PGAM5: variants seen among roughly 807,000 people sequenced by gnomAD.
The protein encoded by PGAM5 is serine/threonine-protein phosphatase PGAM5, mitochondrial.
PGAM5 carries 25 observed loss-of-function variants against 30.6 expected under a neutral mutation model. The ratio of observed to expected loss-of-function variants is 0.82; its 90% CI spans 0.60 to 1.14. The LOEUF is 1.14. PGAM5 is among the 50% of genes most tolerant of loss of function. PGAM5 has a pLI of 0.00. For missense variants in PGAM5, 384 were observed against 408.5 expected (o/e 0.94, Z 0.52); for synonymous variants, 201 against 179.1 (o/e 1.12, Z -0.98).
intron 5 of PGAM5, chr12:132,718,710 C>T: frequency 6.3e-7 from 1 of 1,585,508 alleles, no homozygotes; most frequent in South Asian, 1.1e-5. Flanking sequence ...CGTCCTGTTT[C>T]CCCTCAAACT....
chr12:132,719,637 C>T (rs1023694652), intron 5 of PGAM5, among the ~76,000 whole-genome samples: 5 of 152,218 alleles, frequency 3.3e-5, no homozygotes, highest in African/African-American at 1.2e-4. Flanking sequence ...ACAGAAATAA[C>T]CGGGGCGGGA....
intron 5 of PGAM5, chr12:132,718,679 T>G (rs1218027934): frequency 5.4e-6 from 8 of 1,473,236 alleles, no homozygotes; most frequent in African/African-American, 2.8e-5. Context: ...CTGCCCTGGT[T>G]GTTTTCCCTT....
At chr12:132,719,474 C>T (rs948060636) in intron 5 of PGAM5, among the ~76,000 whole-genome samples, 1 of 152,192 alleles carries the variant, frequency 6.6e-6, no homozygotes, top group Non-Finnish European at 1.5e-5. Context: ...GGTGGTGTGG[C>T]CTCAGGCTAA....
chr12:132,720,934 C>T lies in PGAM5; in HGVS notation c.*106C>T. 2.2e-6 allele frequency: 3 copies of T among 1,341,372 alleles called. No homozygotes were observed. The highest frequency in any genetic ancestry group is 3.0e-6 in the Non-Finnish European group (3 of 1,005,660). The allele number at this position is 1,341,372 out of a possible 1,614,324, so 83.1% of individuals were successfully genotyped here. ...AAAGTAGAAACCTGCAATGCTGCAT[C>T]TGGGAACTGACTTGTGACCAGGCTG... On this transcript the variant is annotated 3_prime_UTR_variant, in exon 6 of 6. Transcript: ENST00000498926.
At chr12:132,712,818 A>T (rs2043535763) in intron 1 of PGAM5, among the ~76,000 whole-genome samples, 1 of 151,758 alleles carries the variant, frequency 6.6e-6, no homozygotes, top group Non-Finnish European at 1.5e-5. Flanking sequence ...CAATATTCTG[A>T]ATTTCTTAGG....
chr12:132,712,210 C>T (rs917804025), intron 1 of PGAM5, among the ~76,000 whole-genome samples: 3 of 152,126 alleles, frequency 2.0e-5, no homozygotes, highest in African/African-American at 7.2e-5. Context: ...TTACTGTTAA[C>T]TAAGGTTCAT....
chr12:132,713,492 C>A (rs2043541554), intron 1 of PGAM5, among the ~76,000 whole-genome samples: 1 of 152,130 alleles, frequency 6.6e-6, no homozygotes, highest in Admixed American at 6.6e-5. Context: ...CAGCCTGACT[C>A]CCCCATACCT....
intron 5 of PGAM5, chr12:132,718,932 C>CG (rs2043616244): frequency 1.9e-6 from 3 of 1,554,520 alleles, no homozygotes; most frequent in Admixed American, 1.8e-5. Context: ...GCTGCTCCCT[C>CG]GGGGGGCCCT....
chr12:132,719,543 C>T (rs552242617), intron 5 of PGAM5, among the ~76,000 whole-genome samples: 1 of 152,202 alleles, frequency 6.6e-6, no homozygotes, highest in Non-Finnish European at 1.5e-5. Flanking sequence ...GTGAATGAGC[C>T]ATATGGGTGG....
At chr12:132,716,630 C>T (rs1171431905) in intron 2 of PGAM5, among the ~76,000 whole-genome samples, 1 of 152,184 alleles carries the variant, frequency 6.6e-6, no homozygotes, top group East Asian at 1.9e-4. Context: ...CCAGGAGGGT[C>T]CTTCCACCTT....
At chr12:132,712,395 T>C (rs1204112756) in intron 1 of PGAM5, among the ~76,000 whole-genome samples, 2 of 152,190 alleles carry the variant, frequency 1.3e-5, no homozygotes, top group African/African-American at 2.4e-5. Context: ...GGTCCCTCAA[T>C]TGAGACTTCT....
intron 1 of PGAM5, among the ~76,000 whole-genome samples, chr12:132,713,865 C>G (rs564546147): frequency 3.3e-5 from 5 of 151,818 alleles, no homozygotes; most frequent in African/African-American, 1.2e-4. Flanking sequence ...GACGGGGTCC[C>G]CCTGTGTTGC....
At chr12:132,720,122 G>A (rs1271157860) in intron 5 of PGAM5, among the ~76,000 whole-genome samples, 3 of 152,188 alleles carry the variant, frequency 2.0e-5, no homozygotes, top group Non-Finnish European at 4.4e-5. Context: ...ATCGATTCAC[G>A]TCGATCCCAG....
chr12:132,713,426 T>C (rs1723467287), intron 1 of PGAM5, among the ~76,000 whole-genome samples: 2 of 152,172 alleles, frequency 1.3e-5, no homozygotes, highest in African/African-American at 4.8e-5. Context: ...GGAGGTCTCA[T>C]GCAGTTTACG....
intron 5 of PGAM5, among the ~76,000 whole-genome samples, chr12:132,719,641 G>GGC (rs1234629572): frequency 6.6e-6 from 1 of 152,206 alleles, no homozygotes; most frequent in Non-Finnish European, 1.5e-5. Flanking sequence ...AAATAACCGG[G>GGC]GCGGGAGAGT....
intron 4 of PGAM5, 31 bp downstream of exon 4, chr12:132,717,829 A>G (rs1387551093): frequency 1.3e-6 from 2 of 1,577,504 alleles, no homozygotes; most frequent in East Asian, 2.3e-5. Flanking sequence ...CAGCTGTGTC[A>G]CCCTCGCCTT....
chr12:132,713,306 A>G (rs2043539807), intron 1 of PGAM5, among the ~76,000 whole-genome samples: 1 of 152,228 alleles, frequency 6.6e-6, no homozygotes, highest in South Asian at 2.1e-4. Flanking sequence ...GACAGAAGGC[A>G]TGAGCAACTA....
intron 1 of PGAM5, among the ~76,000 whole-genome samples, chr12:132,712,949 GGAGTTC>G (rs2043536696): frequency 6.6e-6 from 1 of 151,970 alleles, no homozygotes; most frequent in Non-Finnish European, 1.5e-5. Flanking sequence ...CTTGAGGTCA[GGAGTTC>G]GAGACCAGCC....
Position 132,720,883 on chromosome 12 carries a change from C to A in PGAM5, c.*55C>A. On this transcript the variant is annotated 3_prime_UTR_variant, in exon 6 of 6. Transcript: ENST00000498926. ...CCCTGCACAGGCCGCACACACTTAA[C>A]GTTTTGTTCCCAAGGAGACCGGCGG... The A allele has an allele frequency of 6.7e-7, 1 of 1,493,366 alleles. No homozygotes were observed. Among genetic ancestry groups the A allele is most frequent in the Non-Finnish European group, 8.9e-7 (1 of 1,120,774 alleles). 92.5% of individuals were successfully genotyped at this position (1,493,366 alleles called of 1,614,324 possible).
Sources: allele counts gnomAD v4.1 joint callset (sites outside exome capture counted in the v4.1 genomes callset), GRCh38; gene constraint gnomAD v4.1.1; transcripts MANE v1.5; gene names NCBI Gene and HGNC (gene_info 2026-07-23, HGNC 2026-07-21).